RAB10: variants seen among roughly 807,000 people sequenced by gnomAD.
RAB10 encodes ras-related protein Rab-10.
In RAB10, 5 loss-of-function variants were observed where a neutral mutation model predicts 25.7. The ratio of observed to expected loss-of-function variants is 0.19; its 90% CI spans 0.10 to 0.41. RAB10 has a LOEUF of 0.41. Among genes scored for constraint, RAB10 ranks in the 10% least tolerant of loss-of-function variants. The pLI, the probability that RAB10 is intolerant of heterozygous loss-of-function variation, is 1.00. For missense variants in RAB10, 103 were observed against 245.8 expected, an observed-to-expected ratio of 0.42 and a Z score of 3.89; for synonymous variants, 89 against 86.4, an observed-to-expected ratio of 1.03 and a Z score of -0.16.
intron 1 of RAB10, among the ~76,000 whole-genome samples, chr2:26,037,330 C>T (rs555195084): frequency 6.6e-5 from 10 of 152,072 alleles, no homozygotes; most frequent in Admixed American, 6.6e-5. Context: ...TAACCTCTGT[C>T]GGCTTCAGGC....
In RAB10 at chr2:26,118,836, G is replaced by A. The variant is rs528015547; in HGVS notation, c.328-8308G>A. Among the ~76,000 whole-genome samples the A allele has an allele frequency of 4.3e-4, 65 of 152,294 alleles. 2 individuals are homozygous for A. The South Asian group carries it at 0.013, about 30-fold the overall frequency. Reference sequence around the variant, plus strand: ...TAAGCTAGTTACAGTCTGCATGTGTGATTCATAGAGATATGTGTCCTCCTG... The same window carrying A: ...TAAGCTAGTTACAGTCTGCATGTGTAATTCATAGAGATATGTGTCCTCCTG... On this transcript the variant is annotated intron_variant, in intron 3 of 5. Coordinates refer to ENST00000264710, the MANE Select transcript of RAB10 (RefSeq NM_016131.5).
Position 26,034,341 on chromosome 2 carries a change from G to A in RAB10, c.-268G>A. The A allele has an allele frequency of 1.8e-6, 1 of 570,110 alleles. No individual in the cohort carries two copies. The highest frequency in any genetic ancestry group is 3.1e-6 in the Non-Finnish European group (1 of 319,674). 35.3% of individuals were successfully genotyped at this position (570,110 alleles called of 1,614,324 possible). ...CGAGAAGCCCTGAGGGGGGAGGGGA[G>A]GCCATTTTGTCCCGACCGACTCCCC... is the stretch of plus-strand genomic sequence containing the variant. On this transcript the variant is annotated 5_prime_UTR_variant, in exon 1 of 6. Transcript: ENST00000264710.
At chr2:26,117,413 A>T (rs1667712632) in intron 3 of RAB10, among the ~76,000 whole-genome samples, 1 of 152,068 alleles carries the variant, frequency 6.6e-6, no homozygotes, top group Non-Finnish European at 1.5e-5. Flanking sequence ...GAAGATTGAG[A>T]CCATCCTGGC....
intron 1 of RAB10, among the ~76,000 whole-genome samples, chr2:26,057,892 G>A (rs1324488704): frequency 6.6e-6 from 1 of 152,138 alleles, no homozygotes; most frequent in Non-Finnish European, 1.5e-5. Context: ...CCACAGTGCT[G>A]GGATTACAGG....
chr2:26,062,819 A>T (rs945414593), intron 1 of RAB10, among the ~76,000 whole-genome samples: 11 of 152,130 alleles, frequency 7.2e-5, no homozygotes, highest in African/African-American at 2.4e-4. Context: ...AACCTCAAGA[A>T]TCTAAGTTAT....
At chr2:26,094,609 A>T (rs1667173223) in intron 1 of RAB10, among the ~76,000 whole-genome samples, 1 of 151,616 alleles carries the variant, frequency 6.6e-6, no homozygotes. Flanking sequence ...CCCAGGCTGG[A>T]GTGCAGTGGT....
At chr2:26,059,257 T>C (rs868786770) in intron 1 of RAB10, among the ~76,000 whole-genome samples, 3 of 152,242 alleles carry the variant, frequency 2.0e-5, no homozygotes, top group African/African-American at 2.4e-5. Context: ...AGATGCAGTA[T>C]ATTTTTGTTT....
intron 1 of RAB10, among the ~76,000 whole-genome samples, chr2:26,036,639 A>G (rs546081039): frequency 4.9e-4 from 74 of 151,700 alleles, no homozygotes; most frequent in African/African-American, 1.8e-3. Context: ...AGCCTGGGCA[A>G]CAAAGCCAGA....
chr2:26,118,819 T>G lies in RAB10; in HGVS notation c.328-8325T>G, dbSNP rs75609456. On this transcript the variant is annotated intron_variant, in intron 3 of 5. Transcript: ENST00000264710. ...GAAAATTAACCATATTTTAAGCTAG[T>G]TACAGTCTGCATGTGTGATTCATAG... Among the ~76,000 whole-genome samples the G allele has an allele frequency of 1.6e-3, 246 of 152,324 alleles. 5 individuals carry two copies. The East Asian group carries it at 0.043, about 27-fold the overall frequency.
chr2:26,042,412 G>A (rs1448595695), intron 1 of RAB10, among the ~76,000 whole-genome samples: 1 of 152,044 alleles, frequency 6.6e-6, no homozygotes, highest in Non-Finnish European at 1.5e-5. Context: ...GAGGCAGGAG[G>A]ATAGCTTGAG....
chr2:26,077,863 C>T (rs762006586), intron 1 of RAB10, among the ~76,000 whole-genome samples: 3 of 152,070 alleles, frequency 2.0e-5, no homozygotes, highest in Non-Finnish European at 4.4e-5. Context: ...CCTGTAATCC[C>T]AGGTACTCAG....
chr2:26,108,820 C>T (rs1311074663), intron 2 of RAB10, among the ~76,000 whole-genome samples: 1 of 151,886 alleles, frequency 6.6e-6, no homozygotes, highest in Non-Finnish European at 1.5e-5. Flanking sequence ...AATATTAACT[C>T]GAAAGAGGAG....
At chr2:26,078,105 C>T (rs1056975492) in intron 1 of RAB10, among the ~76,000 whole-genome samples, 6 of 151,914 alleles carry the variant, frequency 3.9e-5, no homozygotes, top group African/African-American at 1.2e-4. Flanking sequence ...AAAAAGAATA[C>T]CTAGGAATAG....
At chr2:26,051,709 G>A (rs1440526889) in intron 1 of RAB10, among the ~76,000 whole-genome samples, 1 of 149,112 alleles carries the variant, frequency 6.7e-6, no homozygotes, top group East Asian at 2.0e-4. Context: ...AACCAAGATT[G>A]CGCCACTGCA....
chr2:26,055,468 A>G (rs973479041), intron 1 of RAB10, among the ~76,000 whole-genome samples: 3 of 151,184 alleles, frequency 2.0e-5, no homozygotes, highest in Admixed American at 6.6e-5. Flanking sequence ...GCTCACTGCA[A>G]CCTCTGCCTC....
At chr2:26,051,513 C>T (rs1042374760) in intron 1 of RAB10, among the ~76,000 whole-genome samples, 9 of 147,502 alleles carry the variant, frequency 6.1e-5, no homozygotes, top group Non-Finnish European at 1.3e-4. Flanking sequence ...TTTGGGAGGC[C>T]AAGGTGGGTG....
intron 5 of RAB10, among the ~76,000 whole-genome samples, chr2:26,129,834 G>A (rs570525569): frequency 7.2e-5 from 11 of 152,306 alleles, no homozygotes; most frequent in Admixed American, 5.9e-4. Flanking sequence ...TTCAGAGAAT[G>A]AGAGAGGCTG....
At chr2:26,086,497 C>A (rs748568070) in intron 1 of RAB10, among the ~76,000 whole-genome samples, 9 of 152,154 alleles carry the variant, frequency 5.9e-5, no homozygotes, top group Admixed American at 4.6e-4. Flanking sequence ...AGCCCTTATA[C>A]GTTGCTCATG....
chr2:26,117,365 G>A (rs759970397), intron 3 of RAB10, among the ~76,000 whole-genome samples: 9 of 152,088 alleles, frequency 5.9e-5, no homozygotes, highest in Non-Finnish European at 1.3e-4. Context: ...TGTAATCCCA[G>A]CACTTTGGGA....
Sources: gnomAD v4.1 joint callset for allele counts (sites outside exome capture counted in the v4.1 genomes callset) on GRCh38, gnomAD v4.1.1 for gene constraint, MANE v1.5 for transcripts, NCBI Gene and HGNC (gene_info 2026-07-23, HGNC 2026-07-21) for gene names.